Variants in LEMD2 observed in about 807,000 individuals in gnomAD.
LEMD2 encodes the protein LEM domain-containing protein 2.
In LEMD2, 34 loss-of-function variants were observed where a neutral mutation model predicts 58.8. That is an observed-to-expected ratio of 0.58 (90% CI 0.44 to 0.77). The LOEUF (loss-of-function observed/expected upper bound fraction) is 0.77, where lower values mean the gene tolerates loss of function less well. Ranked by LOEUF, LEMD2 falls within the 30% of genes least tolerant of loss-of-function variation. The pLI is 0.00. For synonymous variants in LEMD2, 298 were observed against 308.9 expected (o/e 0.96, Z 0.37); for missense variants, 629 against 717.9 (o/e 0.88, Z 1.42).
chr6:33,779,013 A>G (rs1183207472), intron 5 of LEMD2: 2 of 152,182 alleles, frequency 1.3e-5, no homozygotes, highest in Non-Finnish European at 2.9e-5. Flanking sequence ...GGGCGAGAAT[A>G]TCATGCTCTT....
Position 33,788,415 on chromosome 6 carries a change from G to A in LEMD2, c.702C>T (p.Gly234=). 1.3e-6 allele frequency: 2 copies of A among 1,585,366 alleles called. No homozygotes were observed. Among genetic ancestry groups the A allele is most frequent in the Non-Finnish European group, 1.7e-6 (2 of 1,166,962 alleles). The change falls in exon 1 of 9, where the codon GGC becomes GGT. Residue 234 remains glycine (G), a synonymous_variant. Transcript: ENST00000293760. ...CCGCCTCCTGCGGCGCTGAGGGCTT[G>A]CCCATCTTCACCCAAAGGATGCCCA... ...VFLGILWVKM[G]KPSAPQEAED...
chr6:33,786,416 C>T (rs559534707), intron 2 of LEMD2, among the ~76,000 whole-genome samples: 58 of 152,296 alleles, frequency 3.8e-4, no homozygotes, highest in African/African-American at 1.2e-3. Flanking sequence ...TGCCAGGGAG[C>T]TTGAGGGTCC....
intron 3 of LEMD2, among the ~76,000 whole-genome samples, chr6:33,782,944 T>C (rs1203753296): frequency 6.6e-6 from 1 of 152,204 alleles, no homozygotes; most frequent in Non-Finnish European, 1.5e-5. Flanking sequence ...CCAGGGCCCT[T>C]GAGGGCATAA....
rs572990854 is a variant in LEMD2 at position 33,778,063 on chromosome 6, A to C, written c.1156+179T>G. Among the ~76,000 whole-genome samples the C allele has an allele frequency of 2.0e-5, 3 of 152,294 alleles. No homozygotes were observed. The East Asian group carries it at 5.8e-4, about 29-fold the overall frequency. On this transcript the variant is annotated intron_variant, in intron 6 of 8. Transcript: ENST00000293760. The surrounding 1 kb of genome is among the most constrained non-coding windows in gnomAD (Gnocchi z 4.7). The stretch of plus-strand genomic sequence containing the variant: ...CACGGATTCCTGCCACCAATCTCCA[A>C]AGGTAAATACAACCCAGGGCAGAGG...
intron 4 of LEMD2, 84 bp downstream of exon 4, chr6:33,780,993 A>G (rs1767552325): frequency 1.1e-6 from 1 of 949,172 alleles, no homozygotes; most frequent in Non-Finnish European, 1.6e-6. Flanking sequence ...GCAAACAAAA[A>G]ACAAAAACCC....
At chr6:33,785,019 C>T (rs1490079890) in intron 2 of LEMD2, among the ~76,000 whole-genome samples, 5 of 152,180 alleles carry the variant, frequency 3.3e-5, no homozygotes, top group South Asian at 2.1e-4. Flanking sequence ...TACCAGACAA[C>T]GAGACGGCCT....
intron 8 of LEMD2, among the ~76,000 whole-genome samples, chr6:33,775,983 G>A (rs1413961305): frequency 6.6e-6 from 1 of 151,622 alleles, no homozygotes; most frequent in Admixed American, 6.6e-5. Context: ...AGCCAACACT[G>A]GGGGGGGCCC....
At chr6:33,780,866 C>T (rs1045788006) in intron 4 of LEMD2, among the ~76,000 whole-genome samples, 2 of 152,232 alleles carry the variant, frequency 1.3e-5, no homozygotes, top group Admixed American at 6.5e-5. Flanking sequence ...CCCCACTGCA[C>T]ATGGCGGCCT....
At chr6:33,776,828 C>G (rs1767440389) in intron 8 of LEMD2, 126 bp downstream of exon 8, 5 of 739,724 alleles carry the variant, frequency 6.8e-6, no homozygotes, top group East Asian at 2.7e-5. Context: ...CAGAGCCACT[C>G]TTGGCCCTGG....
intron 2 of LEMD2, 28 bp downstream of exon 2, chr6:33,786,706 A>G (rs759714381): frequency 6.3e-7 from 1 of 1,582,890 alleles, no homozygotes; most frequent in Non-Finnish European, 8.7e-7. Context: ...CAGGAAGAAT[A>G]ATAAAAACCA....
chr6:33,780,403 A>T (rs1450928894), intron 4 of LEMD2: 9 of 570,448 alleles, frequency 1.6e-5, no homozygotes, highest in Non-Finnish European at 2.9e-5. Context: ...GCAGGAAAAC[A>T]GTGCGGGTCT....
intron 1 of LEMD2, 21 bp downstream of exon 1, chr6:33,788,360 C>T (rs751899188): frequency 2.0e-6 from 3 of 1,537,662 alleles, no homozygotes; most frequent in Non-Finnish European, 2.6e-6. Flanking sequence ...GGGCCCTCCC[C>T]TGCGCCGGCC....
rs1767694152 is a variant in LEMD2, at chr6:33,787,077, TG to T, written c.737-304del. On this transcript the variant is annotated intron_variant, in intron 1 of 8. Coordinates refer to ENST00000293760, the MANE Select transcript of LEMD2 (RefSeq NM_181336.4). ...TCCTCGTCTGTAAAACGGGATCAAATGGGCCTTCCCTGCTTAACTCAGGGAG... is the reference window on the plus strand; with the variant it reads ...TCCTCGTCTGTAAAACGGGATCAAATGGCCTTCCCTGCTTAACTCAGGGAG... The T allele has an allele frequency of 7.6e-6, 3 of 395,896 alleles. No individual in the cohort carries two copies. The South Asian group carries it at 1.2e-4, about 16-fold the overall frequency. The allele number at this position is 395,896 out of a possible 1,614,324, so 24.5% of individuals were successfully genotyped here.
Position 33,777,348 on chromosome 6 carries a change from G to C in LEMD2, c.1157-109C>G, listed in dbSNP as rs867101783. 6.6e-5 allele frequency: 53 copies of C among 806,714 alleles called. 1 individual carries two copies. Among genetic ancestry groups the C allele is most frequent in the African/African-American group, 4.7e-4 (28 of 59,512 alleles). The allele number at this position is 806,714 out of a possible 1,614,324, so 50.0% of individuals were successfully genotyped here. A position where few individuals can be genotyped will look rare whatever the true frequency, so the allele number is the denominator to read the frequency against. On this transcript the variant is annotated intron_variant, in intron 6 of 8. Transcript: ENST00000293760. ...TGTGGGGGATCCACCACATGGGTTT[G>C]GGTACCTACTATGTGTCAGGCTCAG...
chr6:33,786,849 A>G, intron 1 of LEMD2, 75 bp from the exon 2 acceptor site: 10 of 1,594,468 alleles, frequency 6.3e-6, no homozygotes, highest in Non-Finnish European at 8.5e-6. Flanking sequence ...ACTACTCACA[A>G]CATTTGGAGG....
rs1221017729 is a variant in LEMD2 at position 33,788,653 on chromosome 6, G to A, written c.464C>T (p.Pro155Leu). 3.1e-6 allele frequency: 4 copies of A among 1,293,316 alleles called. No homozygotes were observed. The highest frequency in any genetic ancestry group is 4.0e-5 in the Admixed American group (1 of 24,738). 80.1% of individuals were successfully genotyped at this position (1,293,316 alleles called of 1,614,324 possible). ...CCACCAGCGGCGGGCCGCGAGACCC[G>A]GGCCCTGCGTGGCCCTGTCGGGCGT... ...ARTPDRATQG[P>L]GLAARRWWAA... Residue 155 changes from proline (P) to leucine (L), a missense_variant, in exon 1 of 9, where the codon CCG becomes CTG. Coordinates refer to ENST00000293760, the MANE Select transcript of LEMD2 (RefSeq NM_181336.4).
chr6:33,772,676 C>A lies in LEMD2; in HGVS notation c.1464G>T (p.Leu488=), dbSNP rs759482551. The change falls in exon 9 of 9, where the codon CTG becomes CTT. Residue 488 remains leucine, a synonymous_variant. Coordinates refer to ENST00000293760, the MANE Select transcript of LEMD2 (RefSeq NM_181336.4). Reference sequence around the variant, plus strand: ...AAGAGGGCTTAGTCCATCTCCACACCAGCATGTCCTCTCCTGCAACGCGGT... The same window carrying A: ...AAGAGGGCTTAGTCCATCTCCACACAAGCATGTCCTCTCCTGCAACGCGGT... ...ESHRVAGEDM[L]VWRWTKPSSF... 9.9e-6 allele frequency: 16 copies of A among 1,613,990 alleles called. No individual in the cohort carries two copies. Among genetic ancestry groups the A allele is most frequent in the African/African-American group, 2.7e-5 (2 of 74,942 alleles).
chr6:33,774,591 G>A (rs571675972), intron 8 of LEMD2, among the ~76,000 whole-genome samples: 3 of 151,952 alleles, frequency 2.0e-5, no homozygotes, highest in South Asian at 2.1e-4. Context: ...CACCATGCCC[G>A]GCTAATTTTT....
chr6:33,784,994 CAGG>C (rs1767644491), intron 2 of LEMD2, among the ~76,000 whole-genome samples: 1 of 152,194 alleles, frequency 6.6e-6, no homozygotes, highest in African/African-American at 2.4e-5. Flanking sequence ...CTAAAGGAAA[CAGG>C]AGGACAGACG....
Sources: gnomAD v4.1 joint callset for allele counts (sites outside exome capture counted in the v4.1 genomes callset) on GRCh38, gnomAD v4.1.1 for gene constraint, Gnocchi (gnomAD v3.1) non-coding constraint, MANE v1.5 for transcripts, NCBI Gene and HGNC (gene_info 2026-07-23, HGNC 2026-07-21) for gene names.